Variants in GALNT18 observed in about 807,000 individuals in gnomAD.
GALNT18 encodes GalNAc-transferase 18.
Under a neutral mutation model 69.5 loss-of-function variants are expected in GALNT18, and 44 were observed. That is an observed-to-expected ratio of 0.63 (90% confidence interval 0.50 to 0.81). The LOEUF (loss-of-function observed/expected upper bound fraction) is 0.81, where lower values mean the gene tolerates loss of function less well. Ranked by LOEUF, GALNT18 falls within the 40% of genes least tolerant of loss-of-function variation. The pLI is 0.00. For missense variants in GALNT18, 715 were observed against 810.0 expected, an observed-to-expected ratio of 0.88 and a Z score of 1.42; for synonymous variants, 364 against 318.2, an observed-to-expected ratio of 1.14 and a Z score of -1.53.
rs1850323507 is a variant in GALNT18, at chr11:11,347,471, A to G, written c.1093-6467T>C. Among the ~76,000 whole-genome samples the G allele has an allele frequency of 6.6e-6, 1 of 152,188 alleles. No individual in the cohort carries two copies. The highest frequency in any genetic ancestry group is 2.1e-4 in the South Asian group (1 of 4,822). The stretch of plus-strand genomic sequence containing the variant: ...TGGGAAGAATTCTGAGGCTCTGTCC[A>G]GTCTCAGTGGAGAAGTATGCCACAA... On this transcript the variant is annotated intron_variant, in intron 6 of 10. Transcript: ENST00000227756. This position sits in a 1 kb window ranked among gnomAD's most constrained non-coding sequence, Gnocchi z 4.0.
rs1263554109 is a variant in GALNT18 at position 11,587,697 on chromosome 11, A to T, written c.235+33662T>A. ...ATCAACATCAAAACCAACCTATAAC[A>T]AGGAAAATTAACAGGCAACATTTCC... On this transcript the variant is annotated intron_variant, in intron 1 of 10. Coordinates refer to ENST00000227756, the MANE Select transcript of GALNT18 (RefSeq NM_198516.3). The surrounding 1 kb of genome is among the most constrained non-coding windows in gnomAD (Gnocchi z 4.4). Among the ~76,000 whole-genome samples, 9 of 152,148 alleles carry T rather than the reference A, an allele frequency of 5.9e-5. No individual in the cohort carries two copies. In the East Asian group the frequency reaches 1.7e-3, roughly 29 times the overall value.
intron 3 of GALNT18, among the ~76,000 whole-genome samples, chr11:11,384,278 A>G (rs1202705551): frequency 1.3e-5 from 2 of 152,088 alleles, no homozygotes; most frequent in Admixed American, 1.3e-4. Flanking sequence ...CCTGTTTTTT[A>G]CTGCTGCAAC....
intron 10 of GALNT18, among the ~76,000 whole-genome samples, chr11:11,272,047 G>A (rs1178279207): frequency 1.3e-5 from 2 of 152,156 alleles, no homozygotes; most frequent in Admixed American, 6.5e-5. Context: ...CCAAACTTGT[G>A]CTCAACTAGA....
rs1490608706 is a variant in GALNT18 at position 11,402,907 on chromosome 11, G to A, written c.596-23643C>T. The stretch of plus-strand genomic sequence containing the variant: ...CTTGTTTCTCTTTGGAGTTAGCACA[G>A]CTCTAGAAAGTGGGTGCTTCTTTCT... On this transcript the variant is annotated intron_variant, in intron 3 of 10. Coordinates refer to ENST00000227756, the MANE Select transcript of GALNT18 (RefSeq NM_198516.3). This position sits in a 1 kb window ranked among gnomAD's most constrained non-coding sequence, Gnocchi z 4.0. 6.6e-6 allele frequency among the ~76,000 whole-genome samples: 1 copy of A among 152,232 alleles called. No homozygotes were observed. Among genetic ancestry groups the A allele is most frequent in the Non-Finnish European group, 1.5e-5 (1 of 68,038 alleles).
Position 11,602,918 on chromosome 11 carries a change from A to G in GALNT18, c.235+18441T>C, listed in dbSNP as rs1375527044. Among the ~76,000 whole-genome samples the G allele has an allele frequency of 2.0e-5, 3 of 152,216 alleles. No individual in the cohort carries two copies. The East Asian group carries it at 5.8e-4, about 29-fold the overall frequency. ...GTACAGGAGTCAAAATGGGTGGTAA[A>G]CTTGGGAAATACTAGAATTTATGAT... On this transcript the variant is annotated intron_variant, in intron 1 of 10. Transcript: ENST00000227756. This position sits in a 1 kb window ranked among gnomAD's most constrained non-coding sequence, Gnocchi z 4.7.
At chr11:11,380,121 A>G (rs1461976806) in intron 3 of GALNT18, among the ~76,000 whole-genome samples, 1 of 152,240 alleles carries the variant, frequency 6.6e-6, no homozygotes, top group African/African-American at 2.4e-5. Flanking sequence ...CAGCCCCTGC[A>G]GTAAAAGGGA....
rs986469485 is a variant in GALNT18 at position 11,620,765 on chromosome 11, C to A, written c.235+594G>T. On this transcript the variant is annotated intron_variant, in intron 1 of 10. Coordinates refer to ENST00000227756, the MANE Select transcript of GALNT18 (RefSeq NM_198516.3). This position sits in a 1 kb window ranked among gnomAD's most constrained non-coding sequence, Gnocchi z 6.9. ...GGGTAGGGACTGCTATAGGTTCAAG[C>A]GGCTTTTCAACCACAGAGGGCTCCT... Among the ~76,000 whole-genome samples the A allele has an allele frequency of 1.3e-5, 2 of 152,134 alleles. No individual in the cohort carries two copies. The highest frequency in any genetic ancestry group is 2.4e-5 in the African/African-American group (1 of 41,422).
chr11:11,301,543 G>A (rs1238661252), intron 9 of GALNT18, among the ~76,000 whole-genome samples: 1 of 152,218 alleles, frequency 6.6e-6, no homozygotes, highest in African/African-American at 2.4e-5. Flanking sequence ...GCATTTATAA[G>A]CACCATTCTC....
chr11:11,427,983 T>A (rs1348436482), intron 3 of GALNT18, among the ~76,000 whole-genome samples: 2 of 152,144 alleles, frequency 1.3e-5, no homozygotes, highest in Non-Finnish European at 2.9e-5. Context: ...GGAAACCAAG[T>A]CCTAGAACAT....
rs144750992 is a variant in GALNT18 at position 11,436,310 on chromosome 11, C to T, written c.429-3523G>A. Reference sequence around the variant, plus strand: ...TTCTCTCCACAAGATTGAGGCTCTTCTATCTTACGTTTTCCAACTTCCCCT... The same window carrying T: ...TTCTCTCCACAAGATTGAGGCTCTTTTATCTTACGTTTTCCAACTTCCCCT... On this transcript the variant is annotated intron_variant, in intron 2 of 10. Transcript: ENST00000227756. The surrounding 1 kb of genome is among the most constrained non-coding windows in gnomAD (Gnocchi z 4.5). Among the ~76,000 whole-genome samples, 28 of 152,308 alleles carry T rather than the reference C, an allele frequency of 1.8e-4. No homozygotes were observed. The East Asian group carries it at 5.4e-3, about 29-fold the overall frequency.
Position 11,573,936 on chromosome 11 carries a change from A to C in GALNT18, c.235+47423T>G, listed in dbSNP as rs776306485. Among the ~76,000 whole-genome samples the C allele has an allele frequency of 4.6e-5, 7 of 152,150 alleles. No individual in the cohort carries two copies. The highest frequency in any genetic ancestry group is 8.8e-5 in the Non-Finnish European group (6 of 68,026). On this transcript the variant is annotated intron_variant, in intron 1 of 10. Transcript: ENST00000227756. The surrounding 1 kb of genome is among the most constrained non-coding windows in gnomAD (Gnocchi z 4.6). ...CATTCTATCAACATCTCATTATAGAAGGCAGAGTTCAGAGAAATTAGGATG... is the reference window on the plus strand; with the variant it reads ...CATTCTATCAACATCTCATTATAGACGGCAGAGTTCAGAGAAATTAGGATG...
At chr11:11,594,337 C>T (rs1198148982) in intron 1 of GALNT18, among the ~76,000 whole-genome samples, 4 of 152,164 alleles carry the variant, frequency 2.6e-5, no homozygotes, top group East Asian at 3.8e-4. Flanking sequence ...ACCATAACAG[C>T]GACGCACTTA....
At position 11,583,992 on chromosome 11, in the gene GALNT18, C is replaced by T. The variant is rs1366195343; in HGVS notation, c.235+37367G>A. On this transcript the variant is annotated intron_variant, in intron 1 of 10. Coordinates refer to ENST00000227756, the MANE Select transcript of GALNT18 (RefSeq NM_198516.3). The surrounding 1 kb of genome is among the most constrained non-coding windows in gnomAD (Gnocchi z 4.7). ...CAATGAAATAGAGATGAACTGAATTCTTGTGAGGACATAGGAATTCGAAAA... is the reference window on the plus strand; with the variant it reads ...CAATGAAATAGAGATGAACTGAATTTTTGTGAGGACATAGGAATTCGAAAA... 1.3e-5 allele frequency among the ~76,000 whole-genome samples: 2 copies of T among 152,020 alleles called. No individual in the cohort carries two copies. The highest frequency in any genetic ancestry group is 4.8e-5 in the African/African-American group (2 of 41,386).
At chr11:11,553,680 T>TCC (rs5789691) in intron 1 of GALNT18, among the ~76,000 whole-genome samples, 15 of 151,040 alleles carry the variant, frequency 9.9e-5, no homozygotes, top group Non-Finnish European at 7.4e-5. Context: ...AGCACCAAGC[T>TCC]CCCCCCCAGC....
At chr11:11,440,555 C>A (rs1480429137) in intron 2 of GALNT18, among the ~76,000 whole-genome samples, 1 of 152,216 alleles carries the variant, frequency 6.6e-6, no homozygotes, top group Admixed American at 6.5e-5. Context: ...TGGCTCAGGG[C>A]TCGGCCTCTG....
At chr11:11,535,164 T>C (rs966965751) in intron 1 of GALNT18, among the ~76,000 whole-genome samples, 1 of 152,202 alleles carries the variant, frequency 6.6e-6, no homozygotes, top group Non-Finnish European at 1.5e-5. Context: ...TTTTACATAA[T>C]ACAAAAAGAA....
intron 10 of GALNT18, among the ~76,000 whole-genome samples, chr11:11,284,908 GTTTTT>G (rs58795517): frequency 0.16 from 13,502 of 83,158 alleles, 1,117 homozygotes; most frequent in East Asian, 0.28. Flanking sequence ...AGACTTTCGT[GTTTTT>G]TTTTTTTTTT....
chr11:11,391,859 T>G lies in GALNT18; in HGVS notation c.596-12595A>C, dbSNP rs190640925. On this transcript the variant is annotated intron_variant, in intron 3 of 10. Coordinates refer to ENST00000227756, the MANE Select transcript of GALNT18 (RefSeq NM_198516.3). ...CAGGCATCTGGGCAACTGGAAGCGC[T>G]GTGCACACCTAAGAGGTAAGGCCGG... is the stretch of plus-strand genomic sequence containing the variant. Among the ~76,000 whole-genome samples, 3 of 152,360 alleles carry G rather than the reference T, an allele frequency of 2.0e-5. No individual in the cohort carries two copies. In the East Asian group the frequency reaches 5.8e-4, roughly 29 times the overall value.
chr11:11,526,977 T>C (rs944259204), intron 1 of GALNT18, among the ~76,000 whole-genome samples: 4 of 152,172 alleles, frequency 2.6e-5, no homozygotes, highest in Non-Finnish European at 1.5e-5. Flanking sequence ...AATTATCATC[T>C]GATGTGGGTA....
Sources: gnomAD v4.1 joint callset for allele counts (sites outside exome capture counted in the v4.1 genomes callset) on GRCh38, gnomAD v4.1.1 for gene constraint, Gnocchi (gnomAD v3.1) non-coding constraint, MANE v1.5 for transcripts, NCBI Gene and HGNC (gene_info 2026-07-23, HGNC 2026-07-21) for gene names.